Variants in CFAP74 observed in about 807,000 individuals in gnomAD.
CFAP74 encodes cilia and flagella associated protein 74, also known as cilia- and flagella-associated protein 74.
Under a neutral mutation model 188.9 loss-of-function variants are expected in CFAP74, and 124 were observed. The observed-to-expected ratio is 0.66, with a 90% CI of 0.57 to 0.76. The LOEUF is 0.76. CFAP74 is among the 30% of genes least tolerant of loss of function. The pLI is 0.00. For missense variants in CFAP74, 2,198 were observed against 2,165.2 expected, an observed-to-expected ratio of 1.02 and a Z score of -0.30; for synonymous variants, 956 against 916.7, an observed-to-expected ratio of 1.04 and a Z score of -0.77.
intron 1 of CFAP74, among the ~76,000 whole-genome samples, chr1:2,003,035 G>T (rs1658280816): frequency 6.6e-6 from 1 of 152,132 alleles, no homozygotes; most frequent in South Asian, 2.1e-4. Context: ...GTCAGCCATG[G>T]TCAAGAAGAG....
At chr1:1,929,097 C>T (rs1286093579) in intron 26 of CFAP74, among the ~76,000 whole-genome samples, 1 of 151,880 alleles carries the variant, frequency 6.6e-6, no homozygotes. Context: ...ACCCTCTGGC[C>T]ATGCAGGGGG....
At chr1:1,995,986 T>C (rs1421922389) in intron 1 of CFAP74, among the ~76,000 whole-genome samples, 1 of 151,974 alleles carries the variant, frequency 6.6e-6, no homozygotes, top group Non-Finnish European at 1.5e-5. Context: ...CTTTTTTTGT[T>C]TTTGTTTTTG....
chr1:1,994,084 G>C (rs1396707769), intron 1 of CFAP74, among the ~76,000 whole-genome samples: 1 of 151,616 alleles, frequency 6.6e-6, no homozygotes, highest in Non-Finnish European at 1.5e-5. Flanking sequence ...AGGATCACTT[G>C]AGCCCAGGAG....
intron 18 of CFAP74, among the ~76,000 whole-genome samples, chr1:1,950,592 G>A (rs1372267867): frequency 1.3e-5 from 2 of 152,054 alleles, no homozygotes; most frequent in African/African-American, 4.8e-5. Flanking sequence ...TGCTCACCTC[G>A]GCCGCCCAAA....
chr1:1,932,627 T>C (rs1652506069), intron 25 of CFAP74, among the ~76,000 whole-genome samples: 1 of 151,144 alleles, frequency 6.6e-6, no homozygotes, highest in African/African-American at 2.4e-5. Context: ...AGAATCTCGC[T>C]CTGTTGCCCA....
rs767644100 is a variant in CFAP74 at position 1,959,162 on chromosome 1, G to A, written c.1809C>T (p.Gly603=). The change falls in exon 16 of 39, where the codon GGC becomes GGT. Residue 603 remains glycine (G), a synonymous_variant. Coordinates refer to ENST00000682832, the MANE Select transcript of CFAP74 (RefSeq NM_001304360.2). ...AACATTTCAGTGGAACTGAAAACTC[G>A]CCCGTCTGAGCCAAAAATGAGATAT... ...EGNISFLAQT[G]EFSVPLKCST... 12 of 1,612,780 alleles carry A rather than the reference G, an allele frequency of 7.4e-6. No individual in the cohort carries two copies. The highest frequency in any genetic ancestry group is 5.0e-5 in the Admixed American group (3 of 59,974).
chr1:1,947,294 C>G (rs1345932685), intron 18 of CFAP74, among the ~76,000 whole-genome samples: 1 of 152,254 alleles, frequency 6.6e-6, no homozygotes, highest in Non-Finnish European at 1.5e-5. Flanking sequence ...TTTCTCACGA[C>G]CTGTTGGCCC....
chr1:1,924,458 G>T lies in CFAP74; in HGVS notation c.4167C>A (p.Thr1389=). 1.9e-6 allele frequency: 3 copies of T among 1,591,582 alleles called. No homozygotes were observed. Among genetic ancestry groups the T allele is most frequent in the Non-Finnish European group, 2.6e-6 (3 of 1,172,516 alleles). Residue 1389 remains threonine (T), a synonymous_variant, in exon 34 of 39, where the codon ACC becomes ACA. Coordinates refer to ENST00000682832, the MANE Select transcript of CFAP74 (RefSeq NM_001304360.2). ...GCAGCTGCTGCTGGCCCCGGCCCCG[G>T]GTGCTGGAGAGGCTGTCCAGGTGCA... The part of the protein sequence containing the change: ...FSMHLDSLSS[T]RGRGQQQLPQ...
intron 25 of CFAP74, among the ~76,000 whole-genome samples, chr1:1,937,849 TCCACCTCTGGACACAGGTCCACCCACC>T (rs1653007052): frequency 3.1e-5 from 1 of 32,306 alleles, no homozygotes; most frequent in Admixed American, 4.4e-4. Context: ...CAACACCAGG[TCCACCTCTGGACACAGGTCCACCCACC>T]TGTGTCCAGA....
At chr1:1,986,332 G>C (rs1227723952) in intron 5 of CFAP74, among the ~76,000 whole-genome samples, 2 of 152,176 alleles carry the variant, frequency 1.3e-5, no homozygotes, top group Non-Finnish European at 2.9e-5. Flanking sequence ...GGTTGCAGTG[G>C]CCCGAAGCCC....
chr1:1,967,988 ATGAG>A (rs969030194), intron 11 of CFAP74, among the ~76,000 whole-genome samples: 10 of 130,894 alleles, frequency 7.6e-5, no homozygotes, highest in African/African-American at 1.6e-4. Flanking sequence ...TAAAGAATGA[ATGAG>A]TGAATGAGTG....
At chr1:1,926,163 T>A (rs1178794612) in intron 32 of CFAP74, 65 bp downstream of exon 32, 4 of 1,457,610 alleles carry the variant, frequency 2.7e-6, no homozygotes, top group Middle Eastern at 1.9e-4. Flanking sequence ...CCCCGGCCAG[T>A]GCCTTTGTTC....
rs200484730 is a variant in CFAP74 at position 1,934,437 on chromosome 1, A to G, written c.3012-4101T>C. ...GTGTACATGTGTGTTGTAGGTACAC[A>G]TGTGTGTATTAGGTTGTAGGTACAC... On this transcript the variant is annotated intron_variant, in intron 25 of 38. Transcript: ENST00000682832. Among the ~76,000 whole-genome samples the G allele has an allele frequency of 1.7e-4, 5 of 28,620 alleles. 1 individual carries two copies. Among genetic ancestry groups the G allele is most frequent in the Admixed American group, 8.0e-4 (2 of 2,498 alleles). 18.8% of individuals were successfully genotyped at this position (28,620 alleles called of 152,430 possible).
intron 18 of CFAP74, among the ~76,000 whole-genome samples, chr1:1,948,977 C>T (rs1281282062): frequency 1.2e-5 from 1 of 80,258 alleles, no homozygotes; most frequent in Admixed American, 1.4e-4. Flanking sequence ...TTCCTCCTTC[C>T]CTCCCTCCTT....
intron 21 of CFAP74, among the ~76,000 whole-genome samples, chr1:1,943,329 G>T (rs1653518050): frequency 6.6e-6 from 1 of 152,222 alleles, no homozygotes; most frequent in African/African-American, 2.4e-5. Context: ...CACGCAGCTG[G>T]CTCCCGGGTC....
At chr1:1,986,511 G>A (rs556038524) in intron 5 of CFAP74, among the ~76,000 whole-genome samples, 4 of 152,306 alleles carry the variant, frequency 2.6e-5, no homozygotes, top group Admixed American at 2.0e-4. Context: ...CAGAGGGTGA[G>A]GCGAGGCCAG....
chr1:1,944,756 G>A (rs892774334), intron 20 of CFAP74, among the ~76,000 whole-genome samples: 4 of 152,030 alleles, frequency 2.6e-5, no homozygotes, highest in Non-Finnish European at 4.4e-5. Flanking sequence ...ACAGGCGCCC[G>A]CCACCATGCC....
chr1:1,924,995 CGAAGGCATGAGGGCACACGCTGGTGT>C (rs1212571249), intron 33 of CFAP74, among the ~76,000 whole-genome samples: 1,582 of 148,670 alleles, frequency 0.011, 27 homozygotes, highest in African/African-American at 0.036. Flanking sequence ...CACGCTGGTG[CGAAGGCATGAGGGCACACGCTGGTGT>C]GAAGGCATGA....
Position 1,922,000 on chromosome 1 carries a change from C to A in CFAP74, c.*287G>T. 2.3e-6 allele frequency: 1 copy of A among 439,854 alleles called. No individual in the cohort carries two copies. The highest frequency in any genetic ancestry group is 4.1e-6 in the Non-Finnish European group (1 of 244,994). The allele number at this position is 439,854 out of a possible 1,614,324, so 27.2% of individuals were successfully genotyped here. ...TTATTGACAGGCTGTGGAGGGCTCT[C>A]CTGGGGGCTGGGGGCTCTGAGGGGG... On this transcript the variant is annotated 3_prime_UTR_variant, in exon 39 of 39. Coordinates refer to ENST00000682832, the MANE Select transcript of CFAP74 (RefSeq NM_001304360.2).
Sources: gnomAD v4.1 joint callset for allele counts (sites outside exome capture counted in the v4.1 genomes callset) on GRCh38, gnomAD v4.1.1 for gene constraint, MANE v1.5 for transcripts, NCBI Gene and HGNC (gene_info 2026-07-23, HGNC 2026-07-21) for gene names.